Variants in CD2AP observed in about 807,000 individuals in gnomAD.
CD2AP encodes CD2 associated protein, also known as CD2-associated protein.
Under a neutral mutation model 85.1 loss-of-function variants are expected in CD2AP, and 46 were observed. That is an observed-to-expected ratio of 0.54 (90% confidence interval 0.43 to 0.69). The LOEUF (loss-of-function observed/expected upper bound fraction) is 0.69. CD2AP is among the 30% of genes least tolerant of loss of function. CD2AP has a pLI of 0.00. For synonymous variants in CD2AP, 255 were observed against 252.9 expected, an observed-to-expected ratio of 1.01 and a Z score of -0.08; for missense variants, 769 against 729.5, an observed-to-expected ratio of 1.05 and a Z score of -0.62.
chr6:47,586,842 TTAATA>T (rs1184213751), intron 11 of CD2AP, among the ~76,000 whole-genome samples: 2 of 152,198 alleles, frequency 1.3e-5, no homozygotes, highest in Non-Finnish European at 2.9e-5. Flanking sequence ...ACTTGAAAAC[TTAATA>T]TAAAGTGTTG....
At chr6:47,580,318 A>T (rs1768439782) in intron 9 of CD2AP, among the ~76,000 whole-genome samples, 1 of 152,220 alleles carries the variant, frequency 6.6e-6, no homozygotes, top group Non-Finnish European at 1.5e-5. Flanking sequence ...ATTTTAAGGT[A>T]TTAAGTCTTA....
chr6:47,595,342 TTCTC>T (rs1768910652), intron 11 of CD2AP, among the ~76,000 whole-genome samples: 1 of 152,080 alleles, frequency 6.6e-6, no homozygotes, highest in African/African-American at 2.4e-5. Context: ...AAGCCTATAA[TTCTC>T]TCGTCTGTGG....
intron 2 of CD2AP, among the ~76,000 whole-genome samples, chr6:47,531,467 G>C (rs1400816216): frequency 1.3e-5 from 2 of 151,316 alleles, no homozygotes; most frequent in Non-Finnish European, 3.0e-5. Flanking sequence ...CGATATGAGG[G>C]GAAACAGGAG....
intron 2 of CD2AP, among the ~76,000 whole-genome samples, chr6:47,505,800 G>A (rs1766140455): frequency 2.8e-5 from 3 of 107,184 alleles, no homozygotes; most frequent in South Asian, 6.8e-4. Context: ...CGGGCGGGGG[G>A]CTGACCCCCC....
chr6:47,587,201 CA>C (rs1768653760), intron 11 of CD2AP, among the ~76,000 whole-genome samples: 1 of 152,122 alleles, frequency 6.6e-6, no homozygotes. Flanking sequence ...AGCCTTCCAC[CA>C]AGGAAATAAA....
chr6:47,591,785 T>C (rs985764488), intron 11 of CD2AP, among the ~76,000 whole-genome samples: 1 of 152,118 alleles, frequency 6.6e-6, no homozygotes, highest in Non-Finnish European at 1.5e-5. Context: ...ATTTTAGACA[T>C]TTTTGTTAAA....
chr6:47,622,023 T>A (rs1430439586), intron 17 of CD2AP, among the ~76,000 whole-genome samples: 1 of 152,218 alleles, frequency 6.6e-6, no homozygotes, highest in Non-Finnish European at 1.5e-5. Context: ...TTGCTGTGGC[T>A]GCTGTTGGGG....
At chr6:47,513,811 ATGT>A (rs1249002506) in intron 2 of CD2AP, among the ~76,000 whole-genome samples, 3 of 150,194 alleles carry the variant, frequency 2.0e-5, no homozygotes, top group African/African-American at 7.4e-5. Flanking sequence ...ACTATACTAG[ATGT>A]TGTCTGATTT....
At chr6:47,575,115 A>G (rs1304677361) in intron 6 of CD2AP, among the ~76,000 whole-genome samples, 5 of 152,184 alleles carry the variant, frequency 3.3e-5, no homozygotes. Context: ...GGGTTCAGGA[A>G]AGAGAACTTC....
At chr6:47,612,371 T>G in intron 16 of CD2AP, 102 bp from the exon 17 acceptor site, 1 of 784,226 alleles carries the variant, frequency 1.3e-6, no homozygotes, top group Non-Finnish European at 2.2e-6. Flanking sequence ...TTAAAAAGTT[T>G]TTCCCATGAA....
intron 5 of CD2AP, among the ~76,000 whole-genome samples, chr6:47,558,906 T>C (rs1341143293): frequency 6.6e-6 from 1 of 152,196 alleles, no homozygotes; most frequent in South Asian, 2.1e-4. Flanking sequence ...TGGTACCAGC[T>C]CCTCTTTGTA....
chr6:47,564,748 A>G (rs1242371161), intron 5 of CD2AP, among the ~76,000 whole-genome samples: 1 of 152,132 alleles, frequency 6.6e-6, no homozygotes, highest in Non-Finnish European at 1.5e-5. Context: ...GTCCTAACAA[A>G]GTGTAACAGC....
intron 2 of CD2AP, among the ~76,000 whole-genome samples, chr6:47,511,073 CAAAAAAAA>C (rs70999630): frequency 2.5e-4 from 13 of 51,894 alleles, no homozygotes; most frequent in African/African-American, 1.2e-3. Flanking sequence ...CTCTGTGTCT[CAAAAAAAA>C]AAAAAAAAAA....
chr6:47,548,222 A>T (rs1054490785), intron 4 of CD2AP, among the ~76,000 whole-genome samples: 2 of 152,158 alleles, frequency 1.3e-5, no homozygotes, highest in African/African-American at 4.8e-5. Context: ...ACTAAGTGAA[A>T]TTGGAACAAA....
intron 5 of CD2AP, among the ~76,000 whole-genome samples, chr6:47,557,719 T>C (rs1487720887): frequency 6.6e-6 from 1 of 152,232 alleles, no homozygotes; most frequent in Non-Finnish European, 1.5e-5. Context: ...GCTGTTTTGG[T>C]TACTGTAGCC....
intron 6 of CD2AP, among the ~76,000 whole-genome samples, chr6:47,575,762 A>G (rs571701890): frequency 3.3e-5 from 5 of 152,208 alleles, no homozygotes; most frequent in African/African-American, 1.2e-4. Flanking sequence ...CAATGGAAAA[A>G]TGTCTAGTAG....
intron 4 of CD2AP, among the ~76,000 whole-genome samples, chr6:47,549,460 C>CAAAAAA (rs67626138): frequency 2.1e-4 from 23 of 110,680 alleles, no homozygotes; most frequent in South Asian, 6.5e-4. Flanking sequence ...ACAATAGCTG[C>CAAAAAA]AAAAAAAAAA....
intron 10 of CD2AP, 111 bp from the exon 11 acceptor site, chr6:47,581,892 C>A (rs1768490377): frequency 2.7e-6 from 2 of 745,376 alleles, no homozygotes; most frequent in Admixed American, 3.9e-5. Context: ...TCTATTAAAC[C>A]ATGGTTTCAT....
rs1769901923 is a variant in CD2AP, at chr6:47,626,205, A to G, written c.*1978A>G. The G allele has an allele frequency of 6.6e-6, 1 of 151,908 alleles. No individual in the cohort carries two copies. The highest frequency in any genetic ancestry group is 6.6e-5 in the Admixed American group (1 of 15,258). 9.4% of individuals were successfully genotyped at this position (151,908 alleles called of 1,614,324 possible). ...AATCAAGATGCTTATGAGCATGGAA[A>G]TGTATTTAAAGTTTTTGCTTGTGTC... On this transcript the variant is annotated 3_prime_UTR_variant, in exon 18 of 18. Coordinates refer to ENST00000359314, the MANE Select transcript of CD2AP (RefSeq NM_012120.3).
Sources: allele counts gnomAD v4.1 joint callset (sites outside exome capture counted in the v4.1 genomes callset), GRCh38; gene constraint gnomAD v4.1.1; transcripts MANE v1.5; gene names NCBI Gene and HGNC (gene_info 2026-07-23, HGNC 2026-07-21).